SLC45A4: variants seen among roughly 807,000 people sequenced by gnomAD.
The protein encoded by SLC45A4 is solute carrier family 45 member 4.
A neutral mutation model predicts 63.7 loss-of-function variants in SLC45A4; 32 were observed. The observed-to-expected ratio is 0.50, with a 90% CI of 0.38 to 0.67. The LOEUF (loss-of-function observed/expected upper bound fraction) is 0.67, where lower values mean the gene tolerates loss of function less well. Ranked by LOEUF, SLC45A4 falls within the 30% of genes least tolerant of loss-of-function variation. The pLI, the probability that SLC45A4 is intolerant of heterozygous loss-of-function variation, is 0.00. For missense variants in SLC45A4, 1,027 were observed against 1,157.7 expected (o/e 0.89, Z 1.64); for synonymous variants, 535 against 510.0 (o/e 1.05, Z -0.66).
At chr8:141,216,901 G>A (rs932544564) in intron 6 of SLC45A4, among the ~76,000 whole-genome samples, 189 bp downstream of exon 6, 2 of 152,186 alleles carry the variant, frequency 1.3e-5, no homozygotes, top group Non-Finnish European at 2.9e-5. Context: ...AGCCCACAGC[G>A]GCCTTTTCCC....
chr8:141,259,299 A>G (rs918000129), intron 1 of SLC45A4, among the ~76,000 whole-genome samples: 2 of 152,178 alleles, frequency 1.3e-5, no homozygotes, highest in African/African-American at 4.8e-5. Flanking sequence ...GCCTTGGGAC[A>G]CTGCTGACCC....
intron 1 of SLC45A4, among the ~76,000 whole-genome samples, chr8:141,292,083 G>A (rs1830367470): frequency 6.6e-6 from 1 of 152,238 alleles, no homozygotes; most frequent in Admixed American, 6.5e-5. Flanking sequence ...TCACAGCACA[G>A]AGAAACCAGA....
chr8:141,252,386 C>G, intron 2 of SLC45A4: 1 of 166,736 alleles, frequency 6.0e-6, no homozygotes, highest in South Asian at 1.2e-4. Context: ...TGTTTTCACG[C>G]CCACCTGCGC....
At position 141,294,174 on chromosome 8, in the gene SLC45A4, G is replaced by A. The variant is rs570378044; in HGVS notation, c.-401+13922C>T. Among the ~76,000 whole-genome samples the A allele has an allele frequency of 1.8e-3, 278 of 152,090 alleles. 1 individual carries two copies. Among genetic ancestry groups the A allele is most frequent in the African/African-American group, 6.2e-3 (258 of 41,356 alleles). ...GGACCAGGGTCTCTGTGTACTGTTAGCATAGCACTCCCCCAGGGCCAACCG... is the reference window on the plus strand; with the variant it reads ...GGACCAGGGTCTCTGTGTACTGTTAACATAGCACTCCCCCAGGGCCAACCG... On this transcript the variant is annotated intron_variant, in intron 1 of 8. Coordinates refer to ENST00000517878, the MANE Select transcript of SLC45A4 (RefSeq NM_001286646.2).
chr8:141,233,715 A>T (rs562151532), intron 2 of SLC45A4, among the ~76,000 whole-genome samples: 1 of 70,650 alleles, frequency 1.4e-5, no homozygotes, highest in South Asian at 5.6e-4. Flanking sequence ...AAAATGAAAT[A>T]AAAAACCCTC....
chr8:141,232,511 G>A (rs548838372), intron 2 of SLC45A4, among the ~76,000 whole-genome samples: 74 of 152,268 alleles, frequency 4.9e-4, no homozygotes, highest in African/African-American at 1.7e-3. Context: ...CAACATGAAC[G>A]CACACTCAGT....
At chr8:141,213,030 C>T (rs562511996) in intron 7 of SLC45A4, among the ~76,000 whole-genome samples, 1 of 151,460 alleles carries the variant, frequency 6.6e-6, no homozygotes, top group African/African-American at 2.4e-5. Flanking sequence ...GTTTCTTGCA[C>T]AAAGATACAA....
chr8:141,212,353 G>C lies in SLC45A4; in HGVS notation c.2145C>G (p.Ile715Met), dbSNP rs1336703080. 1.2e-6 allele frequency: 2 copies of C among 1,613,518 alleles called. No individual in the cohort carries two copies. Among genetic ancestry groups the C allele is most frequent in the Middle Eastern group, 1.6e-4 (1 of 6,084 alleles). ...TGGCCTCCTCTGACACGTTGGGATA[G>C]ATCACCAGGAATGTGGCCGTCAGGA... ...LGFLTATFLVIYPNVSEEAKE... is the reference protein window; with the variant it reads ...LGFLTATFLVMYPNVSEEAKE... The change falls in exon 8 of 9, where the codon ATC (isoleucine) becomes ATG (methionine). Residue 715 changes from isoleucine to methionine, a missense_variant. Ile to Met is a conservative substitution (Grantham distance 10, BLOSUM62 1). Transcript: ENST00000517878.
At chr8:141,213,704 C>T (rs1825971252) in intron 7 of SLC45A4, among the ~76,000 whole-genome samples, 1 of 152,200 alleles carries the variant, frequency 6.6e-6, no homozygotes, top group African/African-American at 2.4e-5. Flanking sequence ...AACGCGCAAG[C>T]ACGCGGACAC....
At chr8:141,279,713 C>T (rs1829864845) in intron 1 of SLC45A4, among the ~76,000 whole-genome samples, 1 of 152,232 alleles carries the variant, frequency 6.6e-6, no homozygotes, top group East Asian at 1.9e-4. Flanking sequence ...CAAACAAAAC[C>T]CACACGGACA....
In SLC45A4 at chr8:141,229,627, G is replaced by A. The variant is rs1402696212; in HGVS notation, c.242-7862C>T. ...GCAGGTGACGGCACCCGCAGACCACGGCCTGCACCCATGGCAGAGACCCTG... is the reference window on the plus strand; with the variant it reads ...GCAGGTGACGGCACCCGCAGACCACAGCCTGCACCCATGGCAGAGACCCTG... On this transcript the variant is annotated intron_variant, in intron 2 of 8. Coordinates refer to ENST00000517878, the MANE Select transcript of SLC45A4 (RefSeq NM_001286646.2). This position sits in a 1 kb window ranked among gnomAD's most constrained non-coding sequence, Gnocchi z 5.0. Among the ~76,000 whole-genome samples, 1 of 152,122 alleles carries A rather than the reference G, an allele frequency of 6.6e-6. No homozygotes were observed. Among genetic ancestry groups the A allele is most frequent in the Non-Finnish European group, 1.5e-5 (1 of 68,012 alleles).
Position 141,219,797 on chromosome 8 carries a change from G to A in SLC45A4, c.463C>T (p.Pro155Ser). Residue 155 changes from proline to serine, a missense_variant, in exon 4 of 9, where the codon CCC becomes TCC. Physicochemically the swap from Pro to Ser is moderately conservative, Grantham distance 74. Coordinates refer to ENST00000517878, the MANE Select transcript of SLC45A4 (RefSeq NM_001286646.2). ...LALGDVPNRQ[P>S]IGIVLTVLGV... ...AGCACCGTGAGCACGATGCCAATGG[G>A]CTGCCGGTTGGGGACATCGCCGAGG... 1 of 1,591,422 alleles carries A rather than the reference G, an allele frequency of 6.3e-7. No individual in the cohort carries two copies. The highest frequency in any genetic ancestry group is 8.5e-7 in the Non-Finnish European group (1 of 1,169,920).
chr8:141,251,604 G>A (rs1828470795), intron 2 of SLC45A4, among the ~76,000 whole-genome samples: 1 of 151,946 alleles, frequency 6.6e-6, no homozygotes. Context: ...GGTCTCCTAC[G>A]TCCGAGCCCC....
At chr8:141,219,968 G>T (rs1006857903) in intron 3 of SLC45A4, 139 bp from the exon 4 acceptor site, 2 of 801,394 alleles carry the variant, frequency 2.5e-6, no homozygotes, top group Admixed American at 6.1e-5. Context: ...CAAGAGAGAG[G>T]CTCTTAGGCA....
At chr8:141,281,999 T>C (rs1829969832) in intron 1 of SLC45A4, among the ~76,000 whole-genome samples, 2 of 152,114 alleles carry the variant, frequency 1.3e-5, no homozygotes, top group Admixed American at 1.3e-4. Context: ...CCAGGACGCA[T>C]GGTTGGCAAG....
Position 141,229,776 on chromosome 8 carries a change from C to T in SLC45A4, c.242-8011G>A, listed in dbSNP as rs1007383316. Among the ~76,000 whole-genome samples, 4 of 152,174 alleles carry T rather than the reference C, an allele frequency of 2.6e-5. No homozygotes were observed. The highest frequency in any genetic ancestry group is 9.7e-5 in the African/African-American group (4 of 41,426). On this transcript the variant is annotated intron_variant, in intron 2 of 8. Transcript: ENST00000517878. The surrounding 1 kb of genome is among the most constrained non-coding windows in gnomAD (Gnocchi z 5.0). ...CCAACAGCAGGGGCCACAAGGCCTCCAAGCAGAAATGCTCGGCTCTGAGCT... is the reference window on the plus strand; with the variant it reads ...CCAACAGCAGGGGCCACAAGGCCTCTAAGCAGAAATGCTCGGCTCTGAGCT...
At chr8:141,220,601 C>T (rs894573891) in intron 3 of SLC45A4, among the ~76,000 whole-genome samples, 1 of 152,216 alleles carries the variant, frequency 6.6e-6, no homozygotes, top group Non-Finnish European at 1.5e-5. Flanking sequence ...AGAGGAATTG[C>T]GGGCCAGAGC....
chr8:141,227,321 G>A lies in SLC45A4; in HGVS notation c.242-5556C>T, dbSNP rs547557642. On this transcript the variant is annotated intron_variant, in intron 2 of 8. Transcript: ENST00000517878. The surrounding 1 kb of genome is among the most constrained non-coding windows in gnomAD (Gnocchi z 4.4). ...GACTTTCTGGTGAGGGGAGACTGGC[G>A]GGGGGTGGGGAGGGCAAGGAGTGGG... Among the ~76,000 whole-genome samples the A allele has an allele frequency of 3.3e-5, 5 of 152,142 alleles. No individual in the cohort carries two copies. The highest frequency in any genetic ancestry group is 4.8e-5 in the African/African-American group (2 of 41,430).
intron 1 of SLC45A4, among the ~76,000 whole-genome samples, chr8:141,302,766 C>T (rs1830788006): frequency 6.6e-6 from 1 of 152,190 alleles, no homozygotes; most frequent in African/African-American, 2.4e-5. Flanking sequence ...AGGCAGTCCC[C>T]CTCGCCTCGT....
Sources: allele counts gnomAD v4.1 joint callset (sites outside exome capture counted in the v4.1 genomes callset), GRCh38; gene constraint gnomAD v4.1.1; non-coding constraint Gnocchi (gnomAD v3.1); transcripts MANE v1.5; gene names NCBI Gene and HGNC (gene_info 2026-07-23, HGNC 2026-07-21).